CADM2: variants seen among roughly 807,000 people sequenced by gnomAD.
CADM2 encodes the protein immunoglobulin superfamily member 4D.
CADM2 carries 12 observed loss-of-function variants against 49.8 expected under a neutral mutation model. The ratio of observed to expected loss-of-function variants is 0.24; its 90% CI spans 0.15 to 0.39. The LOEUF (loss-of-function observed/expected upper bound fraction) is 0.39. Ranked by LOEUF, CADM2 falls within the 10% of genes least tolerant of loss-of-function variation. The pLI is 1.00. For missense variants in CADM2, 378 were observed against 492.3 expected (o/e 0.77, Z 2.20); for synonymous variants, 214 against 175.4 (o/e 1.22, Z -1.74).
chr3:85,959,008 G>A (rs898581184), intron 7 of CADM2, among the ~76,000 whole-genome samples: 9 of 151,006 alleles, frequency 6.0e-5, no homozygotes, highest in Admixed American at 2.6e-4. Context: ...CACATGTTTC[G>A]TGGAACTTAA....
chr3:85,316,785 A>G (rs2044474905), intron 1 of CADM2, among the ~76,000 whole-genome samples: 1 of 152,184 alleles, frequency 6.6e-6, no homozygotes, highest in South Asian at 2.1e-4. Flanking sequence ...CCATTTATGT[A>G]GAAATATGAG....
At chr3:85,065,779 A>T (rs2036507102) in intron 1 of CADM2, among the ~76,000 whole-genome samples, 1 of 152,206 alleles carries the variant, frequency 6.6e-6, no homozygotes, top group Non-Finnish European at 1.5e-5. Context: ...TTGCTTAGCA[A>T]TCAATGTCAA....
intron 8 of CADM2, among the ~76,000 whole-genome samples, chr3:85,962,291 G>C (rs1006560094): frequency 9.9e-5 from 15 of 151,796 alleles, no homozygotes; most frequent in African/African-American, 3.6e-4. Flanking sequence ...TTTCCTTTAA[G>C]CTAATTTTTA....
intron 2 of CADM2, among the ~76,000 whole-genome samples, chr3:85,755,835 A>T (rs2069092077): frequency 6.6e-6 from 1 of 152,156 alleles, no homozygotes; most frequent in Non-Finnish European, 1.5e-5. Flanking sequence ...AGGGATTATA[A>T]TTTCACATGA....
chr3:85,278,153 G>C (rs1356674146), intron 1 of CADM2, among the ~76,000 whole-genome samples: 1 of 150,640 alleles, frequency 6.6e-6, no homozygotes, highest in Non-Finnish European at 1.5e-5. Flanking sequence ...AGTACATTTA[G>C]TAGAGTAAGT....
At chr3:85,069,186 G>GAA (rs376264908) in intron 1 of CADM2, among the ~76,000 whole-genome samples, 1 of 145,544 alleles carries the variant, frequency 6.9e-6, no homozygotes, top group Admixed American at 6.9e-5. Flanking sequence ...ATGGAAGAGA[G>GAA]AAAAAAAAAA....
chr3:85,992,488 T>C (rs945500518), intron 8 of CADM2: 14 of 152,218 alleles, frequency 9.2e-5, no homozygotes, highest in African/African-American at 3.1e-4. Context: ...TACAGATAAG[T>C]TTAAGTTTTC....
chr3:85,901,393 T>C (rs1716099915), intron 5 of CADM2, among the ~76,000 whole-genome samples: 1 of 152,156 alleles, frequency 6.6e-6, no homozygotes, highest in African/African-American at 2.4e-5. Context: ...TAGATTACAG[T>C]TGGATCATGA....
intron 1 of CADM2, among the ~76,000 whole-genome samples, chr3:85,618,161 A>T (rs957350164): frequency 6.6e-6 from 1 of 152,226 alleles, no homozygotes; most frequent in Non-Finnish European, 1.5e-5. Context: ...TGTGAAAAAA[A>T]TTACATAGCA....
intron 1 of CADM2, among the ~76,000 whole-genome samples, chr3:85,323,954 G>C (rs1400295183): frequency 6.6e-6 from 1 of 152,114 alleles, no homozygotes; most frequent in South Asian, 2.1e-4. Flanking sequence ...GGCACCTTAC[G>C]AATCAATTAA....
intron 1 of CADM2, among the ~76,000 whole-genome samples, chr3:85,390,223 A>C (rs1226960026): frequency 1.3e-5 from 2 of 152,038 alleles, no homozygotes; most frequent in African/African-American, 4.8e-5. Context: ...TTGTTTTTCC[A>C]TGGAGAAAGA....
intron 1 of CADM2, among the ~76,000 whole-genome samples, chr3:85,470,442 CAAGAA>C (rs2038717554): frequency 6.6e-6 from 1 of 151,998 alleles, no homozygotes; most frequent in South Asian, 2.1e-4. Context: ...AAAAGGAAAA[CAAGAA>C]AAGAATTCAG....
chr3:85,964,615 C>T (rs150813638), intron 8 of CADM2, among the ~76,000 whole-genome samples: 238 of 151,884 alleles, frequency 1.6e-3, no homozygotes, highest in Non-Finnish European at 3.1e-3. Context: ...ATTAGGATCA[C>T]ATGTAGTAAT....
rs146569125 is a variant in CADM2, at chr3:86,017,242, T to A, written c.971-48363T>A. Among the ~76,000 whole-genome samples, 122 of 150,876 alleles carry A rather than the reference T, an allele frequency of 8.1e-4. 2 individuals are homozygous for A. In the East Asian group the frequency reaches 0.013, roughly 16 times the overall value. ...GCAATATGTTACAATAACATAAGTATGGGACAATCTGGAAAATATATCCCT... is the reference window on the plus strand; with the variant it reads ...GCAATATGTTACAATAACATAAGTAAGGGACAATCTGGAAAATATATCCCT... On this transcript the variant is annotated intron_variant, in intron 8 of 9. Coordinates refer to ENST00000383699, the MANE Select transcript of CADM2 (RefSeq NM_001167675.2).
intron 8 of CADM2, among the ~76,000 whole-genome samples, chr3:86,018,759 T>A (rs1039443936): frequency 6.6e-6 from 1 of 152,098 alleles, no homozygotes; most frequent in Non-Finnish European, 1.5e-5. Flanking sequence ...TTGAGTTCAT[T>A]GTAGATTCTG....
intron 8 of CADM2, among the ~76,000 whole-genome samples, chr3:85,970,777 T>C (rs1035772003): frequency 6.6e-6 from 1 of 151,622 alleles, no homozygotes; most frequent in Admixed American, 6.6e-5. Context: ...TCAAAAATGT[T>C]GGTTCAGGAT....
intron 1 of CADM2, among the ~76,000 whole-genome samples, chr3:85,166,412 C>T (rs1311055613): frequency 6.6e-6 from 1 of 151,562 alleles, no homozygotes; most frequent in Non-Finnish European, 1.5e-5. Context: ...AATCAAGATT[C>T]TAGAATAAAA....
intron 1 of CADM2, among the ~76,000 whole-genome samples, chr3:85,413,191 G>A (rs113491071): frequency 0.035 from 4,877 of 141,148 alleles, 289 homozygotes; most frequent in African/African-American, 0.13. Flanking sequence ...ATAATACACT[G>A]GAAGCTTTCT....
intron 1 of CADM2, among the ~76,000 whole-genome samples, chr3:85,563,742 T>A (rs889623879): frequency 6.6e-6 from 1 of 152,136 alleles, no homozygotes; most frequent in Non-Finnish European, 1.5e-5. Flanking sequence ...ATTTGCACGG[T>A]GATGACTAGC....
Sources: allele counts gnomAD v4.1 joint callset (sites outside exome capture counted in the v4.1 genomes callset), GRCh38; gene constraint gnomAD v4.1.1; transcripts MANE v1.5; gene names NCBI Gene and HGNC (gene_info 2026-07-23, HGNC 2026-07-21).